The following KDM5B variants were observed in gnomAD, a reference collection of about 807,000 sequenced individuals.
KDM5B encodes the protein lysine demethylase 5B.
A neutral mutation model predicts 193.4 loss-of-function variants in KDM5B; 144 were observed. That is an observed-to-expected ratio of 0.74 (90% CI 0.65 to 0.86). The LOEUF (loss-of-function observed/expected upper bound fraction) is 0.86, where lower values mean the gene tolerates loss of function less well. Among genes scored for constraint, KDM5B ranks in the 40% least tolerant of loss-of-function variants. KDM5B has a pLI of 0.00. For missense variants in KDM5B, 1,833 were observed against 1,886.9 expected, an observed-to-expected ratio of 0.97 and a Z score of 0.53; for synonymous variants, 668 against 682.6, an observed-to-expected ratio of 0.98 and a Z score of 0.33.
intron 5 of KDM5B, among the ~76,000 whole-genome samples, chr1:202,765,152 C>T (rs1483930175): frequency 6.6e-6 from 1 of 152,094 alleles, no homozygotes; most frequent in Non-Finnish European, 1.5e-5. Context: ...GTTTGCTGAC[C>T]TATTCCAAGG....
At chr1:202,799,373 C>G (rs1572783555) in intron 1 of KDM5B, among the ~76,000 whole-genome samples, 1 of 151,930 alleles carries the variant, frequency 6.6e-6, no homozygotes, top group South Asian at 2.1e-4. Flanking sequence ...GTAATTTTAA[C>G]CCGGGCGCGG....
At chr1:202,740,108 C>A (rs191432976) in intron 20 of KDM5B, among the ~76,000 whole-genome samples, 10,693 of 97,420 alleles carry the variant, frequency 0.11, 515 homozygotes, top group African/African-American at 0.13. Context: ...ATGGGGCTGA[C>A]CCCCCCCACC....
At chr1:202,767,168 C>A in intron 4 of KDM5B, 108 bp from the exon 5 acceptor site, 7 of 1,550,224 alleles carry the variant, frequency 4.5e-6, no homozygotes, top group African/African-American at 1.4e-5. Flanking sequence ...TGATCTACTT[C>A]CAGAGGCTGC....
chr1:202,792,894 G>A (rs1363663791), intron 1 of KDM5B, among the ~76,000 whole-genome samples: 1 of 152,024 alleles, frequency 6.6e-6, no homozygotes, highest in Non-Finnish European at 1.5e-5. Flanking sequence ...CTGCTCCGGA[G>A]GCTGAGGCAG....
intron 22 of KDM5B, among the ~76,000 whole-genome samples, chr1:202,734,477 T>C (rs1453529680): frequency 6.6e-6 from 1 of 152,194 alleles, no homozygotes; most frequent in Non-Finnish European, 1.5e-5. Flanking sequence ...CTTTGAGTTC[T>C]ACCATAAATT....
chr1:202,750,828 G>GT lies in KDM5B; in HGVS notation c.1702-51dup, dbSNP rs752517017. 39 of 1,573,060 alleles carry GT rather than the reference G, an allele frequency of 2.5e-5. No individual in the cohort carries two copies. The East Asian group carries it at 8.5e-4, about 34-fold the overall frequency. On this transcript the variant is annotated intron_variant, in intron 12 of 26. Coordinates refer to ENST00000367265, the MANE Select transcript of KDM5B (RefSeq NM_006618.5). ...TTTGAGTTTCTTAAAGAGTGACATT[G>GT]TTACTAAAGACAATCTGGACACAGT... is the stretch of plus-strand genomic sequence containing the variant.
In KDM5B at chr1:202,744,043, T is replaced by G. The variant is rs981513578; in HGVS notation, c.2324-1238A>C. On this transcript the variant is annotated intron_variant, in intron 16 of 26. Transcript: ENST00000367265. ...CAAAAGAAACTATCATCAGAGTGAATAGACAACCTACAGAATGGGAGAAAA... is the reference window on the plus strand; with the variant it reads ...CAAAAGAAACTATCATCAGAGTGAAGAGACAACCTACAGAATGGGAGAAAA... Among the ~76,000 whole-genome samples the G allele has an allele frequency of 3.3e-5, 5 of 152,118 alleles. No individual in the cohort carries two copies. The East Asian group carries it at 9.7e-4, about 29-fold the overall frequency.
In KDM5B at chr1:202,733,788, C is replaced by G. The variant is rs766056872; in HGVS notation, c.3522G>C (p.Val1174=). The change falls in exon 23 of 27, where the codon GTG becomes GTC. Residue 1174 remains valine (V), a synonymous_variant. Coordinates refer to ENST00000367265, the MANE Select transcript of KDM5B (RefSeq NM_006618.5). ...TCTGACATAGGCAGATTTTTATATC[C>G]ACATCTTGGAGAGGCGACAGCAATT... ...EGKLLSPLQD[V]DIKICLCQKA... The G allele has an allele frequency of 6.2e-7, 1 of 1,614,072 alleles. No individual in the cohort carries two copies. The highest frequency in any genetic ancestry group is 2.2e-5 in the East Asian group (1 of 44,878).
chr1:202,780,750 T>C (rs1657163259), intron 1 of KDM5B, among the ~76,000 whole-genome samples: 1 of 149,684 alleles, frequency 6.7e-6, no homozygotes. Context: ...AAACATGTAT[T>C]AGGTTGGTGC....
chr1:202,785,020 A>C (rs1657349395), intron 1 of KDM5B, among the ~76,000 whole-genome samples: 1 of 152,122 alleles, frequency 6.6e-6, no homozygotes, highest in Non-Finnish European at 1.5e-5. Context: ...AAAAAAAAAA[A>C]AAAAAAGTAC....
Position 202,764,067 on chromosome 1 carries a change from T to G in KDM5B, c.790A>C (p.Thr264Pro). The stretch of plus-strand genomic sequence containing the variant: ...TTCTTACCATTTTCACATTTTGGAG[T>G]TGGACAACCCATTCGACGTCTCAGA... ...HNLRRRMGCP[T>P]PKCENEKEMK... Residue 264 changes from threonine (T) to proline (P), a missense_variant, in exon 6 of 27, where the codon ACT becomes CCT. By Grantham distance (38) the Thr-to-Pro change is conservative. Coordinates refer to ENST00000367265, the MANE Select transcript of KDM5B (RefSeq NM_006618.5). The G allele has an allele frequency of 6.4e-7, 1 of 1,568,812 alleles. No homozygotes were observed.
chr1:202,747,761 A>G (rs1284759495), intron 14 of KDM5B, among the ~76,000 whole-genome samples: 1 of 152,116 alleles, frequency 6.6e-6, no homozygotes, highest in Non-Finnish European at 1.5e-5. Flanking sequence ...AATTTATAAT[A>G]GTGCCAAAAA....
intron 1 of KDM5B, among the ~76,000 whole-genome samples, chr1:202,792,088 T>A (rs1336124209): frequency 6.6e-6 from 1 of 152,220 alleles, no homozygotes; most frequent in Admixed American, 6.5e-5. Flanking sequence ...CATTTCTTCA[T>A]TCAACAGAGC....
Position 202,741,702 on chromosome 1 carries a change from T to G in KDM5B, c.2610A>C (p.Glu870Asp). The G allele has an allele frequency of 6.2e-7, 1 of 1,607,990 alleles. No homozygotes were observed. The highest frequency in any genetic ancestry group is 8.5e-7 in the Non-Finnish European group (1 of 1,176,578). ...PLLKDLLNRV[E>D]DFQQHSQKLL... Reference sequence around the variant, plus strand: ...GTTTCTGACTATGCTGTTGAAAATCTTCTACACGATTCAAGAGATCCTAAA... The same window carrying G: ...GTTTCTGACTATGCTGTTGAAAATCGTCTACACGATTCAAGAGATCCTAAA... Residue 870 changes from glutamate to aspartate, a missense_variant, in exon 19 of 27, where the codon GAA (glutamate) becomes GAC (aspartate). Coordinates refer to ENST00000367265, the MANE Select transcript of KDM5B (RefSeq NM_006618.5).
At chr1:202,788,383 A>T (rs1657498834) in intron 1 of KDM5B, among the ~76,000 whole-genome samples, 1 of 152,244 alleles carries the variant, frequency 6.6e-6, no homozygotes, top group African/African-American at 2.4e-5. Context: ...AGATTATTTT[A>T]GCTTCTGAAT....
chr1:202,776,601 C>A lies in KDM5B; in HGVS notation c.282+416G>T, dbSNP rs946676814. On this transcript the variant is annotated intron_variant, in intron 2 of 26. Coordinates refer to ENST00000367265, the MANE Select transcript of KDM5B (RefSeq NM_006618.5). ...ACAGGGTCTTGCTCTGTCGCCCAGG[C>A]TGGAGTGCAGAGTGCAGTGGCACAA... Among the ~76,000 whole-genome samples the A allele has an allele frequency of 2.6e-5, 4 of 152,106 alleles. No homozygotes were observed. The South Asian group carries it at 6.2e-4, about 24-fold the overall frequency.
rs759415014 is a variant in KDM5B, at chr1:202,729,949, G to C, written c.4255C>G (p.Leu1419Val). Residue 1419 changes from leucine to valine, a missense_variant, in exon 26 of 27, where the codon CTC becomes GTC. Transcript: ENST00000367265. ...KLKRRLEREGLSSERWERVKK... is the reference protein window; with the variant it reads ...KLKRRLEREGVSSERWERVKK... The stretch of plus-strand genomic sequence containing the variant: ...ACTCGTTCCCACCGCTCACTGGAGA[G>C]GCCCTCTCTTTCCAGGCGTCTCTTC... 2 of 1,614,092 alleles carry C rather than the reference G, an allele frequency of 1.2e-6. No homozygotes were observed. The highest frequency in any genetic ancestry group is 1.7e-6 in the Non-Finnish European group (2 of 1,180,000).
intron 1 of KDM5B, among the ~76,000 whole-genome samples, chr1:202,784,065 A>G (rs189574246): frequency 7.6e-4 from 116 of 152,342 alleles, no homozygotes; most frequent in Non-Finnish European, 1.4e-3. Context: ...AGAAATGTTT[A>G]AAAAATAAAG....
intron 1 of KDM5B, among the ~76,000 whole-genome samples, chr1:202,786,946 T>C (rs1387208589): frequency 1.3e-5 from 2 of 152,136 alleles, no homozygotes; most frequent in Non-Finnish European, 2.9e-5. Context: ...CCGTCTCTAC[T>C]AAATATACAA....
Sources: allele counts gnomAD v4.1 joint callset (sites outside exome capture counted in the v4.1 genomes callset), GRCh38; gene constraint gnomAD v4.1.1; transcripts MANE v1.5; gene names NCBI Gene and HGNC (gene_info 2026-07-23, HGNC 2026-07-21).